Variants in ANKS3 observed in about 807,000 individuals in gnomAD.
ANKS3 encodes ankyrin repeat and sterile alpha motif domain containing 3.
ANKS3 carries 62 observed loss-of-function variants against 80.7 expected under a neutral mutation model. The observed-to-expected ratio is 0.77, with a 90% CI of 0.63 to 0.95. The LOEUF is 0.95. Ranked by LOEUF, ANKS3 falls within the 40% of genes least tolerant of loss-of-function variation. The pLI is 0.00. For synonymous variants in ANKS3, 489 were observed against 355.3 expected (o/e 1.38, Z -4.23); for missense variants, 1,150 against 883.6 (o/e 1.30, Z -3.82).
In ANKS3 at chr16:4,724,713, G is replaced by A. The variant is rs200604337; in HGVS notation, c.573+37C>T. 1.6e-4 allele frequency: 251 copies of A among 1,573,826 alleles called. 1 individual carries two copies. In the African/African-American group the frequency reaches 2.3e-3, roughly 14 times the overall value. On this transcript the variant is annotated intron_variant, in intron 6 of 17. Transcript: ENST00000304283. ...TCAGTAATATGATTCCTCATTTGCC[G>A]TGACTACATTACATGCTAATAATCA...
intron 7 of ANKS3, among the ~76,000 whole-genome samples, chr16:4,712,966 A>G (rs916157341): frequency 3.9e-5 from 6 of 152,184 alleles, no homozygotes; most frequent in African/African-American, 1.2e-4. Context: ...GTAAGGTAGC[A>G]GAATATAAAA....
intron 7 of ANKS3, among the ~76,000 whole-genome samples, chr16:4,708,026 A>T (rs1201367002): frequency 2.0e-5 from 3 of 152,158 alleles, no homozygotes; most frequent in Non-Finnish European, 4.4e-5. Context: ...GAGGCAGGAG[A>T]GTCGCTTGAA....
Position 4,702,147 on chromosome 16 carries a change from TG to T in ANKS3, c.963del (p.Ile322SerfsTer70). On this transcript the variant is annotated frameshift_variant, in exon 9 of 18. Transcript: ENST00000304283. LOFTEE classifies it high-confidence loss of function. ...EGLCCRDVTS[P>X]INERDVESSS... ...CTGCTCTCCACATCCCGCTCATTGA[TG>T]GGGGAGGTGACATCCCGGCAGCAGA... 1 of 1,596,894 alleles carries T rather than the reference TG, an allele frequency of 6.3e-7. No individual in the cohort carries two copies. Among genetic ancestry groups the T allele is most frequent in the Non-Finnish European group, 8.5e-7 (1 of 1,172,264 alleles).
At chr16:4,725,327 G>A (rs1045444771) in intron 5 of ANKS3, among the ~76,000 whole-genome samples, 4 of 152,160 alleles carry the variant, frequency 2.6e-5, no homozygotes, top group Non-Finnish European at 5.9e-5. Flanking sequence ...TGTCTTCAGA[G>A]GGCTTCCAAA....
chr16:4,722,371 G>A (rs2081147698), intron 6 of ANKS3, among the ~76,000 whole-genome samples: 1 of 151,700 alleles, frequency 6.6e-6, no homozygotes, highest in East Asian at 1.9e-4. Context: ...ATGAGGTCAG[G>A]AGATCGAGAC....
chr16:4,713,934 G>C, intron 7 of ANKS3, 117 bp downstream of exon 7: 1 of 1,421,594 alleles, frequency 7.0e-7, no homozygotes, highest in Non-Finnish European at 9.4e-7. Flanking sequence ...GGGAGGCAGA[G>C]CCAAATCTCA....
chr16:4,729,178 T>A (rs1453649631), intron 3 of ANKS3, among the ~76,000 whole-genome samples: 1 of 152,146 alleles, frequency 6.6e-6, no homozygotes, highest in Non-Finnish European at 1.5e-5. Flanking sequence ...GGGCTTTATA[T>A]TGTCTCTAAC....
At position 4,733,995 on chromosome 16, in the gene ANKS3, C is replaced by A. The variant is rs75132041; in HGVS notation, c.-128G>T. The A allele has an allele frequency of 1.5e-3, 1,455 of 985,492 alleles. 20 individuals are homozygous for A. The African/African-American group carries it at 0.024, about 16-fold the overall frequency. 61.0% of individuals were successfully genotyped at this position (985,492 alleles called of 1,614,324 possible). On this transcript the variant is annotated 5_prime_UTR_variant, in exon 1 of 18. Coordinates refer to ENST00000304283, the MANE Select transcript of ANKS3 (RefSeq NM_133450.4). ...ATCCCCACAGGAACGCTACGGCGCA[C>A]AGGGCATTACTGTGCCCCCACCACA...
At chr16:4,722,509 G>C (rs2081155125) in intron 6 of ANKS3, among the ~76,000 whole-genome samples, 1 of 150,756 alleles carries the variant, frequency 6.6e-6, no homozygotes. Flanking sequence ...CTGGGAGGTG[G>C]AGGTTGCAGT....
At chr16:4,719,755 G>C (rs2080990664) in intron 6 of ANKS3, among the ~76,000 whole-genome samples, 1 of 151,932 alleles carries the variant, frequency 6.6e-6, no homozygotes, top group Non-Finnish European at 1.5e-5. Flanking sequence ...CCCATGATCA[G>C]GCCACTGCAC....
In ANKS3 at chr16:4,697,011, A is replaced by T. The variant is rs1317279544; in HGVS notation, c.*11+6T>A. ...CCACGCGGGATCCAGGCTGGCAGAC[A>T]CTCACCGGCCCGCAGGCTAGGTCTC... On this transcript the variant is annotated splice_donor_region_variant and intron_variant, in intron 17 of 17. Transcript: ENST00000304283. 6.2e-7 allele frequency: 1 copy of T among 1,611,056 alleles called. No individual in the cohort carries two copies. The highest frequency in any genetic ancestry group is 8.5e-7 in the Non-Finnish European group (1 of 1,179,202).
rs1365965682 is a variant in ANKS3, at chr16:4,726,960, G to C, written c.369+19C>G. 6.2e-7 allele frequency: 1 copy of C among 1,613,626 alleles called. No homozygotes were observed. The highest frequency in any genetic ancestry group is 8.5e-7 in the Non-Finnish European group (1 of 1,179,970). On this transcript the variant is annotated intron_variant, in intron 4 of 17. Transcript: ENST00000304283. The stretch of plus-strand genomic sequence containing the variant: ...CGGAGCCCCTCAGGTTTCTGGGCCT[G>C]AGTTCCCTCGTAGCTCACCTGGAGA...
intron 9 of ANKS3, 22 bp downstream of exon 9, chr16:4,702,080 G>A (rs376348691): frequency 5.6e-5 from 88 of 1,559,392 alleles, no homozygotes; most frequent in East Asian, 2.4e-4. Context: ...GCCACGGGCC[G>A]GATGGGTGGG....
chr16:4,701,874 G>T, intron 9 of ANKS3: 2 of 530,158 alleles, frequency 3.8e-6, no homozygotes, highest in East Asian at 6.7e-5. Context: ...TCCCAAGCAA[G>T]GAGCTAAACC....
intron 7 of ANKS3, among the ~76,000 whole-genome samples, chr16:4,709,103 T>C (rs1475222533): frequency 6.6e-6 from 1 of 151,578 alleles, no homozygotes; most frequent in Admixed American, 6.6e-5. Context: ...CTGTCTCTAT[T>C]TTTTTTAATA....
intron 3 of ANKS3, 41 bp from the exon 4 acceptor site, chr16:4,727,218 C>G (rs368187807): frequency 1.2e-6 from 2 of 1,601,626 alleles, no homozygotes; most frequent in Non-Finnish European, 1.7e-6. Flanking sequence ...CCAGCCGCCT[C>G]GCATGTGGGG....
At position 4,705,913 on chromosome 16, in the gene ANKS3, C is replaced by T. The variant is rs186617668; in HGVS notation, c.710-660G>A. Among the ~76,000 whole-genome samples, 56 of 147,310 alleles carry T rather than the reference C, an allele frequency of 3.8e-4. No individual in the cohort carries two copies. The East Asian group carries it at 0.01, about 27-fold the overall frequency. Reference sequence around the variant, plus strand: ...CACAACTACTTTTTCCTAATCCCTTCCTTTGGAAACAACTTTTTTTTTTTT... The same window carrying T: ...CACAACTACTTTTTCCTAATCCCTTTCTTTGGAAACAACTTTTTTTTTTTT... On this transcript the variant is annotated intron_variant, in intron 7 of 17. Transcript: ENST00000304283.
intron 2 of ANKS3, among the ~76,000 whole-genome samples, chr16:4,730,751 C>G (rs1044413332): frequency 3.3e-5 from 5 of 152,042 alleles, no homozygotes; most frequent in African/African-American, 1.2e-4. Context: ...ACTCGGGAGG[C>G]TGAGGTAGGA....
At chr16:4,719,106 G>A (rs939372165) in intron 6 of ANKS3, among the ~76,000 whole-genome samples, 8 of 152,188 alleles carry the variant, frequency 5.3e-5, no homozygotes, top group African/African-American at 1.9e-4. Context: ...AGGCCAAGGT[G>A]GGAGGACCAC....
Sources: gnomAD v4.1 joint callset for allele counts (sites outside exome capture counted in the v4.1 genomes callset) on GRCh38, gnomAD v4.1.1 for gene constraint, MANE v1.5 for transcripts, NCBI Gene and HGNC (gene_info 2026-07-23, HGNC 2026-07-21) for gene names.